PNPT1: variants seen among roughly 807,000 people sequenced by gnomAD.
PNPT1 encodes polyribonucleotide nucleotidyltransferase 1, also known as polyribonucleotide nucleotidyltransferase 1, mitochondrial.
Under a neutral mutation model 119.5 loss-of-function variants are expected in PNPT1, and 53 were observed. The ratio of observed to expected loss-of-function variants is 0.44; its 90% CI spans 0.36 to 0.56. PNPT1 has a LOEUF of 0.56. Among genes scored for constraint, PNPT1 ranks in the 20% least tolerant of loss-of-function variants. The probability of loss-of-function intolerance (pLI) is 0.00; values close to 1 mark genes in which losing one functional copy is unlikely to be tolerated. For missense variants in PNPT1, 948 were observed against 938.5 expected (o/e 1.01, Z -0.13); for synonymous variants, 357 against 322.1 (o/e 1.11, Z -1.16).
At chr2:55,636,473 G>T in intron 27 of PNPT1, 81 bp from the exon 28 acceptor site, 1 of 1,423,670 alleles carries the variant, frequency 7.0e-7, no homozygotes, top group Non-Finnish European at 9.6e-7. Context: ...AAATTTACAT[G>T]GTCCAAATAA....
chr2:55,678,954 C>T (rs1697166098), intron 8 of PNPT1, among the ~76,000 whole-genome samples: 1 of 152,134 alleles, frequency 6.6e-6, no homozygotes, highest in Non-Finnish European at 1.5e-5. Context: ...TCAGAAGACC[C>T]TATGTCAAAA....
chr2:55,677,580 GA>G (rs1697113425), intron 8 of PNPT1, among the ~76,000 whole-genome samples: 1 of 108,336 alleles, frequency 9.2e-6, no homozygotes, highest in African/African-American at 3.6e-5. Flanking sequence ...CTGGGCAACA[GA>G]GCGAGACTAT....
chr2:55,683,612 CAAAAAAAA>C (rs397943177), intron 5 of PNPT1, among the ~76,000 whole-genome samples, 165 bp downstream of exon 5: 1 of 74,170 alleles, frequency 1.3e-5, no homozygotes. Flanking sequence ...GACTCTGTCT[CAAAAAAAA>C]AAAAAAAAAA....
intron 18 of PNPT1, among the ~76,000 whole-genome samples, chr2:55,650,567 C>A (rs1185400418): frequency 6.6e-6 from 1 of 152,050 alleles, no homozygotes; most frequent in African/African-American, 2.4e-5. Flanking sequence ...GCCGCCACCC[C>A]GTCTAGGAAG....
intron 18 of PNPT1, among the ~76,000 whole-genome samples, chr2:55,653,933 A>G (rs143440213): frequency 4.7e-4 from 71 of 152,258 alleles, no homozygotes; most frequent in Non-Finnish European, 8.5e-4. Context: ...GAATAGCAGC[A>G]TTCATGACAG....
intron 1 of PNPT1, among the ~76,000 whole-genome samples, chr2:55,690,527 T>C (rs1697562954): frequency 6.6e-6 from 1 of 152,230 alleles, no homozygotes; most frequent in Non-Finnish European, 1.5e-5. Context: ...CTTAATATTT[T>C]CACCTGTTAA....
At chr2:55,654,404 C>T (rs891405098) in intron 18 of PNPT1, among the ~76,000 whole-genome samples, 1 of 152,098 alleles carries the variant, frequency 6.6e-6, no homozygotes, top group African/African-American at 2.4e-5. Context: ...TTGTATAAAT[C>T]GACTGAAAGA....
Position 55,679,686 on chromosome 2 carries a change from C to T in PNPT1, c.675G>A (p.Gln225=). 6.3e-7 allele frequency: 1 copy of T among 1,598,056 alleles called. No individual in the cohort carries two copies. Among genetic ancestry groups the T allele is most frequent in the Non-Finnish European group, 8.6e-7 (1 of 1,167,298 alleles). The change falls in exon 8 of 28, where the codon CAG becomes CAA. Residue 225 remains glutamine, a synonymous_variant. Coordinates refer to ENST00000447944, the MANE Select transcript of PNPT1 (RefSeq NM_033109.5). The part of the protein sequence containing the change: ...NLVVAGAPKS[Q]IVMLEASAEN... ...GTGGTATTTAAAACAACTTACCAAT[C>T]TGACTTTTAGGTGCTCCAGCAACCA...
intron 12 of PNPT1, among the ~76,000 whole-genome samples, 195 bp downstream of exon 12, chr2:55,667,667 T>C (rs1696777553): frequency 6.6e-6 from 1 of 152,196 alleles, no homozygotes; most frequent in Non-Finnish European, 1.5e-5. Flanking sequence ...GGCACCGCTT[T>C]ATACACCAGG....
intron 1 of PNPT1, among the ~76,000 whole-genome samples, chr2:55,691,518 T>C (rs555558681): frequency 6.6e-6 from 1 of 152,268 alleles, no homozygotes; most frequent in South Asian, 2.1e-4. Context: ...TGACACGAGT[T>C]TAAAAAGAAC....
chr2:55,647,434 A>T lies in PNPT1; in HGVS notation c.1515T>A (p.Ala505=). ...LMDSGVPISS[A]VAGVAIGLVT... is the part of the protein sequence containing the mutation. ...CCAATCCTATTGCTACGCCTGCAAC[A>T]GCAGATGAAATTGGAACCCCTATAA... The change falls in exon 19 of 28, where the codon GCT becomes GCA. Residue 505 remains alanine (A), a synonymous_variant. Coordinates refer to ENST00000447944, the MANE Select transcript of PNPT1 (RefSeq NM_033109.5). 1 of 1,608,830 alleles carries T rather than the reference A, an allele frequency of 6.2e-7. No individual in the cohort carries two copies. The highest frequency in any genetic ancestry group is 8.5e-7 in the Non-Finnish European group (1 of 1,176,652).
In PNPT1 at chr2:55,641,872, C is replaced by T. The variant is rs558428039; in HGVS notation, c.2070-1167G>A. 8.4e-4 allele frequency among the ~76,000 whole-genome samples: 126 copies of T among 149,602 alleles called. 3 individuals are homozygous for T. In the South Asian group the frequency reaches 0.025, roughly 30 times the overall value. On this transcript the variant is annotated intron_variant, in intron 25 of 27. Coordinates refer to ENST00000447944, the MANE Select transcript of PNPT1 (RefSeq NM_033109.5). ...TTTTTTTTTTTTTGAGATGGAGTCTCGCTCTGTCGCCCAGGCTGGAGTGCA... is the reference window on the plus strand; with the variant it reads ...TTTTTTTTTTTTTGAGATGGAGTCTTGCTCTGTCGCCCAGGCTGGAGTGCA...
rs1200127458 is a variant in PNPT1, at chr2:55,636,041, T to G, written c.*196A>C. 3.0e-6 allele frequency: 1 copy of G among 333,938 alleles called. No homozygotes were observed. Among genetic ancestry groups the G allele is most frequent in the East Asian group, 4.8e-5 (1 of 20,690 alleles). The allele number at this position is 333,938 out of a possible 1,614,324, so 20.7% of individuals were successfully genotyped here. ...ATAATAAATATTTCTTGATTTATAA[T>G]GTAAATACAATTAAACAAATATGGG... is the stretch of plus-strand genomic sequence containing the variant. On this transcript the variant is annotated 3_prime_UTR_variant, in exon 28 of 28. Coordinates refer to ENST00000447944, the MANE Select transcript of PNPT1 (RefSeq NM_033109.5).
At chr2:55,662,677 A>C (rs1363281102) in intron 13 of PNPT1, among the ~76,000 whole-genome samples, 1 of 152,134 alleles carries the variant, frequency 6.6e-6, no homozygotes, top group Non-Finnish European at 1.5e-5. Context: ...CTGTCTCAGA[A>C]AAAGAAGAAA....
At chr2:55,687,068 GC>G (rs759847038) in intron 2 of PNPT1, among the ~76,000 whole-genome samples, 24 of 152,014 alleles carry the variant, frequency 1.6e-4, no homozygotes, top group Non-Finnish European at 3.5e-4. Flanking sequence ...CAAAAAATTA[GC>G]TGGGCGTGGT....
At chr2:55,645,696 T>G (rs973952159) in intron 21 of PNPT1, among the ~76,000 whole-genome samples, 9 of 152,158 alleles carry the variant, frequency 5.9e-5, no homozygotes, top group Non-Finnish European at 1.0e-4. Flanking sequence ...TAGTTGTGCT[T>G]CTTCTTTTTT....
chr2:55,642,247 C>G (rs1004209523), intron 25 of PNPT1, among the ~76,000 whole-genome samples: 5 of 151,830 alleles, frequency 3.3e-5, no homozygotes, highest in Admixed American at 2.6e-4. Flanking sequence ...CTATTTTGGG[C>G]CTATTTAATA....
At position 55,652,713 on chromosome 2, in the gene PNPT1, A is replaced by C. The variant is rs528447631; in HGVS notation, c.1495+2187T>G. On this transcript the variant is annotated intron_variant, in intron 18 of 27. Transcript: ENST00000447944. ...ATCATAAAGATATCATAAACCGTAA[A>C]GCTGAATTATAGATATATCACACCA... is the stretch of plus-strand genomic sequence containing the variant. Among the ~76,000 whole-genome samples the C allele has an allele frequency of 8.0e-4, 122 of 152,354 alleles. 3 individuals are homozygous for C. The South Asian group carries it at 0.024, about 30-fold the overall frequency.
chr2:55,685,485 A>G (rs1320484514), intron 3 of PNPT1, among the ~76,000 whole-genome samples: 2 of 152,112 alleles, frequency 1.3e-5, no homozygotes, highest in African/African-American at 2.4e-5. Flanking sequence ...CTATGATCAC[A>G]CCACTGAACA....
Sources: gnomAD v4.1 joint callset for allele counts (sites outside exome capture counted in the v4.1 genomes callset) on GRCh38, gnomAD v4.1.1 for gene constraint, MANE v1.5 for transcripts, NCBI Gene and HGNC (gene_info 2026-07-23, HGNC 2026-07-21) for gene names.